The following SERINC5 variants were observed in gnomAD, a reference collection of about 807,000 sequenced individuals.
SERINC5 encodes serine incorporator 5.
A neutral mutation model predicts 63.1 loss-of-function variants in SERINC5; 41 were observed. That is an observed-to-expected ratio of 0.65 (90% confidence interval 0.51 to 0.84). The LOEUF (loss-of-function observed/expected upper bound fraction) is 0.84, where lower values mean the gene tolerates loss of function less well. SERINC5 is among the 40% of genes least tolerant of loss of function. The pLI is 0.00. For missense variants in SERINC5, 523 were observed against 573.0 expected (o/e 0.91, Z 0.89); for synonymous variants, 222 against 215.2 (o/e 1.03, Z -0.28).
intron 2 of SERINC5, among the ~76,000 whole-genome samples, chr5:80,202,597 A>C (rs1342131450): frequency 6.6e-6 from 1 of 150,746 alleles, no homozygotes; most frequent in Non-Finnish European, 1.5e-5. Context: ...GTACCCCATT[A>C]ATCTACACAA....
chr5:80,235,160 G>A (rs1751628020), intron 1 of SERINC5, among the ~76,000 whole-genome samples: 1 of 152,146 alleles, frequency 6.6e-6, no homozygotes, highest in South Asian at 2.1e-4. Context: ...CACTTCATAT[G>A]AGTGGAATCA....
chr5:80,140,305 C>T lies in SERINC5; in HGVS notation c.*3358G>A. On this transcript the variant is annotated 3_prime_UTR_variant, in exon 12 of 12. Transcript: ENST00000507668. ...GTGGCTGACAGAGTGAGCCCGTCTCCAAAAAAAAAAAAAAAAAAAAAAAAA... is the reference window on the plus strand; with the variant it reads ...GTGGCTGACAGAGTGAGCCCGTCTCTAAAAAAAAAAAAAAAAAAAAAAAAA... The T allele has an allele frequency of 2.1e-6, 1 of 475,184 alleles. No homozygotes were observed. Among genetic ancestry groups the T allele is most frequent in the Non-Finnish European group, 2.4e-6 (1 of 418,376 alleles). The allele number at this position is 475,184 out of a possible 1,614,324, so 29.4% of individuals were successfully genotyped here.
intron 11 of SERINC5, among the ~76,000 whole-genome samples, chr5:80,121,511 A>G (rs1464973771): frequency 2.0e-5 from 3 of 152,092 alleles, no homozygotes; most frequent in Non-Finnish European, 4.4e-5. Flanking sequence ...CCCCACCTCC[A>G]ACACTGAGGA....
At chr5:80,182,604 G>A (rs1418426053) in intron 2 of SERINC5, among the ~76,000 whole-genome samples, 2 of 146,616 alleles carry the variant, frequency 1.4e-5, no homozygotes, top group African/African-American at 5.1e-5. Flanking sequence ...GGAGTGCAGT[G>A]GCGCAATCTC....
Position 80,236,208 on chromosome 5 carries a change from C to T in SERINC5, c.27+19688G>A, listed in dbSNP as rs537229346. Among the ~76,000 whole-genome samples, 15 of 152,228 alleles carry T rather than the reference C, an allele frequency of 9.9e-5. No homozygotes were observed. The East Asian group carries it at 2.9e-3, about 29-fold the overall frequency. On this transcript the variant is annotated intron_variant, in intron 1 of 11. Coordinates refer to ENST00000507668, the MANE Select transcript of SERINC5 (RefSeq NM_001174072.3). The stretch of plus-strand genomic sequence containing the variant: ...AACATTTATGAACTCATACTGTGGG[C>T]CAGCCACTGTTCCAAGCGCAAAATC...
At chr5:80,203,166 G>A in intron 1 of SERINC5, 113 bp from the exon 2 acceptor site, 1 of 1,030,102 alleles carries the variant, frequency 9.7e-7, no homozygotes, top group Non-Finnish European at 1.5e-6. Flanking sequence ...GGGGCTGGAG[G>A]ATCACTTGAG....
At chr5:80,237,138 T>C (rs1315024233) in intron 1 of SERINC5, among the ~76,000 whole-genome samples, 2 of 151,858 alleles carry the variant, frequency 1.3e-5, no homozygotes, top group African/African-American at 4.8e-5. Context: ...CAGTGTTTCT[T>C]TTCTGGGCAG....
Position 80,241,630 on chromosome 5 carries a change from G to C in SERINC5, c.27+14266C>G, listed in dbSNP as rs184501743. The stretch of plus-strand genomic sequence containing the variant: ...GCAGGAGGATCACCTGAGCAAAGGA[G>C]TTTGAGGCTGCAGTGAGCTATGATT... On this transcript the variant is annotated intron_variant, in intron 1 of 11. Coordinates refer to ENST00000507668, the MANE Select transcript of SERINC5 (RefSeq NM_001174072.3). 1.1e-3 allele frequency among the ~76,000 whole-genome samples: 168 copies of C among 152,082 alleles called. 1 individual carries two copies. The highest frequency in any genetic ancestry group is 4.0e-3 in the African/African-American group (165 of 41,504).
At chr5:80,133,641 A>T (rs556056786) in intron 11 of SERINC5, among the ~76,000 whole-genome samples, 12 of 152,262 alleles carry the variant, frequency 7.9e-5, no homozygotes, top group African/African-American at 2.9e-4. Flanking sequence ...GAGGCAAAGA[A>T]CAAATCTAAG....
chr5:80,180,652 GGGGGCA>G (rs1475344170), intron 2 of SERINC5, among the ~76,000 whole-genome samples: 6 of 152,182 alleles, frequency 3.9e-5, no homozygotes, highest in Non-Finnish European at 2.9e-5. Flanking sequence ...TGCAGGAAAA[GGGGGCA>G]GGTGGTGAGG....
intron 8 of SERINC5, among the ~76,000 whole-genome samples, chr5:80,153,109 A>C (rs1275858207): frequency 6.6e-6 from 1 of 152,222 alleles, no homozygotes; most frequent in African/African-American, 2.4e-5. Flanking sequence ...AACTACATTC[A>C]GAGCATCATT....
chr5:80,173,889 A>T (rs930658716), intron 5 of SERINC5, among the ~76,000 whole-genome samples: 3 of 152,082 alleles, frequency 2.0e-5, no homozygotes, highest in African/African-American at 7.2e-5. Flanking sequence ...AATCCAAAAA[A>T]AGTCTTTACA....
At chr5:80,201,022 C>T (rs1171845134) in intron 2 of SERINC5, among the ~76,000 whole-genome samples, 1 of 152,106 alleles carries the variant, frequency 6.6e-6, no homozygotes, top group East Asian at 1.9e-4. Context: ...TTGCTTGAAC[C>T]TGGGAGGCGG....
intron 2 of SERINC5, chr5:80,198,470 AG>A: frequency 1.1e-6 from 1 of 941,936 alleles, no homozygotes; most frequent in Non-Finnish European, 1.3e-6. Flanking sequence ...CTGACAAGGG[AG>A]CTGCCCTTGC....
At chr5:80,253,092 T>A (rs1051727245) in intron 1 of SERINC5, among the ~76,000 whole-genome samples, 1 of 152,206 alleles carries the variant, frequency 6.6e-6, no homozygotes, top group Non-Finnish European at 1.5e-5. Context: ...GCGATCATCA[T>A]CTACCCAGTG....
intron 1 of SERINC5, among the ~76,000 whole-genome samples, chr5:80,230,421 C>G (rs933250031): frequency 2.3e-5 from 3 of 130,734 alleles, no homozygotes; most frequent in African/African-American, 9.2e-5. Context: ...GATCCCGCCA[C>G]TGCATTCTAG....
Position 80,171,170 on chromosome 5 carries a change from G to A in SERINC5, c.552-1624C>T, listed in dbSNP as rs370424627. On this transcript the variant is annotated intron_variant, in intron 5 of 11. Coordinates refer to ENST00000507668, the MANE Select transcript of SERINC5 (RefSeq NM_001174072.3). Reference sequence around the variant, plus strand: ...GATTACAGGTATCCACCACCATGCCGGGCTAATTTTGTATTTTTAGTAAAG... The same window carrying A: ...GATTACAGGTATCCACCACCATGCCAGGCTAATTTTGTATTTTTAGTAAAG... Among the ~76,000 whole-genome samples the A allele has an allele frequency of 7.9e-5, 12 of 151,910 alleles. No individual in the cohort carries two copies. In the South Asian group the frequency reaches 1.5e-3, roughly 18 times the overall value.
chr5:80,137,785 T>C (rs1305847499), downstream of SERINC5, among the ~76,000 whole-genome samples: 4 of 148,338 alleles, frequency 2.7e-5, no homozygotes, highest in African/African-American at 7.5e-5. Context: ...GTATAAAAAA[T>C]ACAAAAATTA....
chr5:80,226,730 A>T (rs545570175), intron 1 of SERINC5, among the ~76,000 whole-genome samples: 2 of 152,204 alleles, frequency 1.3e-5, no homozygotes, highest in South Asian at 2.1e-4. Flanking sequence ...ACTAATAATA[A>T]TTTTTTTAAA....
Sources: allele counts gnomAD v4.1 joint callset (sites outside exome capture counted in the v4.1 genomes callset), GRCh38; gene constraint gnomAD v4.1.1; transcripts MANE v1.5; gene names NCBI Gene and HGNC (gene_info 2026-07-23, HGNC 2026-07-21).